The following POLR1A variants were observed in gnomAD, a reference collection of about 807,000 sequenced individuals.
POLR1A encodes RNA polymerase I subunit A.
Under a neutral mutation model 205.3 loss-of-function variants are expected in POLR1A, and 84 were observed. That is an observed-to-expected ratio of 0.41 (90% CI 0.34 to 0.49). POLR1A has a LOEUF of 0.49. Among genes scored for constraint, POLR1A ranks in the 20% least tolerant of loss-of-function variants. The probability of loss-of-function intolerance (pLI) is 0.22; values close to 1 mark genes in which losing one functional copy is unlikely to be tolerated. For synonymous variants in POLR1A, 799 were observed against 863.7 expected (o/e 0.93, Z 1.31); for missense variants, 1,645 against 2,204.5 (o/e 0.75, Z 5.08).
intron 16 of POLR1A, 62 bp from the exon 17 acceptor site, chr2:86,049,304 A>G: frequency 8.3e-7 from 1 of 1,200,042 alleles, no homozygotes; most frequent in Admixed American, 1.7e-5. Flanking sequence ...CACCAGACTA[A>G]ACTCAGTAAG....
chr2:86,085,176 T>C (rs1262284457), intron 6 of POLR1A, among the ~76,000 whole-genome samples: 1 of 152,160 alleles, frequency 6.6e-6, no homozygotes, highest in East Asian at 1.9e-4. Context: ...TTAGCCAGGA[T>C]GGTCTGGATC....
chr2:86,097,160 C>G (rs1673718394), intron 3 of POLR1A, among the ~76,000 whole-genome samples: 1 of 124,964 alleles, frequency 8.0e-6, no homozygotes, highest in South Asian at 2.6e-4. Flanking sequence ...AAACACAAAT[C>G]AAAACCACAA....
Position 86,040,530 on chromosome 2 carries a change from T to C in POLR1A, c.3602A>G (p.Gln1201Arg). The C allele has an allele frequency of 6.3e-7, 1 of 1,597,336 alleles. No homozygotes were observed. Among genetic ancestry groups the C allele is most frequent in the Non-Finnish European group, 8.5e-7 (1 of 1,171,538 alleles). The change falls in exon 25 of 34, where the codon CAG becomes CGG. Residue 1201 changes from glutamine (Q) to arginine (R), a missense_variant. Gln to Arg is a conservative substitution (Grantham distance 43). Coordinates refer to ENST00000263857, the MANE Select transcript of POLR1A (RefSeq NM_015425.6). ...RLRTLLQLKWQRSLCEPGEAV... is the reference protein window; with the variant it reads ...RLRTLLQLKWRRSLCEPGEAV... The stretch of plus-strand genomic sequence containing the variant: ...CTCGCCCGGCTCACACAGTGAGCGC[T>C]GCCACTTCAGCTGCAGCAAGGTCCT...
intron 3 of POLR1A, among the ~76,000 whole-genome samples, chr2:86,093,417 C>A (rs543551840): frequency 3.5e-4 from 53 of 152,332 alleles, no homozygotes; most frequent in African/African-American, 1.2e-3. Flanking sequence ...TTTCTATAAA[C>A]ATGGACACTC....
intron 3 of POLR1A, among the ~76,000 whole-genome samples, chr2:86,090,301 G>C (rs1410313680): frequency 6.6e-6 from 1 of 150,754 alleles, no homozygotes; most frequent in African/African-American, 2.4e-5. Flanking sequence ...AGGATGATGT[G>C]AGGAGATCGC....
At chr2:86,056,239 G>A (rs978776526) in intron 14 of POLR1A, among the ~76,000 whole-genome samples, 12 of 152,026 alleles carry the variant, frequency 7.9e-5, no homozygotes, top group African/African-American at 2.9e-4. Context: ...ATCACTTAAG[G>A]TCGGGAGTTT....
chr2:86,049,272 C>G lies in POLR1A; in HGVS notation c.2393-30G>C, dbSNP rs10184159. The G allele has an allele frequency of 0.023, 35,001 of 1,540,060 alleles. 1,844 individuals are homozygous for G. The highest frequency in any genetic ancestry group is 0.19 in the African/African-American group (14,155 of 73,558). ...GAAGTGAAACAGACAAGCTTGTAGGCGACCTCAGGCCTGATTTCTCCCACC... is the reference window on the plus strand; with the variant it reads ...GAAGTGAAACAGACAAGCTTGTAGGGGACCTCAGGCCTGATTTCTCCCACC... On this transcript the variant is annotated intron_variant, in intron 16 of 33. Coordinates refer to ENST00000263857, the MANE Select transcript of POLR1A (RefSeq NM_015425.6).
intron 27 of POLR1A, among the ~76,000 whole-genome samples, chr2:86,034,136 T>C (rs1484197566): frequency 1.3e-5 from 2 of 152,218 alleles, no homozygotes; most frequent in African/African-American, 4.8e-5. Context: ...GAAACAACCC[T>C]ATGTCTGATT....
At chr2:86,060,867 A>T (rs1372030083) in intron 14 of POLR1A, among the ~76,000 whole-genome samples, 1 of 152,238 alleles carries the variant, frequency 6.6e-6, no homozygotes, top group African/African-American at 2.4e-5. Flanking sequence ...GTATTAGGTG[A>T]AAAGGCTAGC....
At position 86,040,380 on chromosome 2, in the gene POLR1A, T is replaced by C. The variant is rs1672580395; in HGVS notation, c.3740+12A>G. On this transcript the variant is annotated intron_variant, in intron 25 of 33. Coordinates refer to ENST00000263857, the MANE Select transcript of POLR1A (RefSeq NM_015425.6). The stretch of plus-strand genomic sequence containing the variant: ...GGACAGACCCCACCCTGTGCTCCCT[T>C]GTGCCCCACACCTTGGAATGCCCAG... The C allele has an allele frequency of 1.9e-6, 3 of 1,588,840 alleles. No homozygotes were observed. The highest frequency in any genetic ancestry group is 2.6e-6 in the Non-Finnish European group (3 of 1,166,962).
At chr2:86,090,864 G>A (rs1041340027) in intron 3 of POLR1A, among the ~76,000 whole-genome samples, 5 of 152,248 alleles carry the variant, frequency 3.3e-5, no homozygotes, top group African/African-American at 1.2e-4. Flanking sequence ...GGGCTCGCTT[G>A]AGCCCAGGTG....
At position 86,071,227 on chromosome 2, in the gene POLR1A, C is replaced by CGTGTGT. The variant is rs1558777042; in HGVS notation, c.1612-956_1612-955insACACAC. ...CCCAGCTTCTCTCTCTCTCCGTGTG[C>CGTGTGT]ATGTGTGTGTGTGTGTGTGTGTGTG... On this transcript the variant is annotated intron_variant, in intron 12 of 33. Coordinates refer to ENST00000263857, the MANE Select transcript of POLR1A (RefSeq NM_015425.6). 1.4e-3 allele frequency among the ~76,000 whole-genome samples: 205 copies of CGTGTGT among 147,354 alleles called. 1 individual carries two copies. Among genetic ancestry groups the CGTGTGT allele is most frequent in the African/African-American group, 5.0e-3 (194 of 38,824 alleles).
Position 86,071,227 on chromosome 2 carries a change from C to CGTGTGCGCGCGCGTGT in POLR1A, c.1612-956_1612-955insACACGCGCGCGCACAC, listed in dbSNP as rs1558777042. Among the ~76,000 whole-genome samples the CGTGTGCGCGCGCGTGT allele has an allele frequency of 4.0e-3, 589 of 147,354 alleles. 12 individuals carry two copies. The East Asian group carries it at 0.074, about 19-fold the overall frequency. On this transcript the variant is annotated intron_variant, in intron 12 of 33. Coordinates refer to ENST00000263857, the MANE Select transcript of POLR1A (RefSeq NM_015425.6). Reference sequence around the variant, plus strand: ...CCCAGCTTCTCTCTCTCTCCGTGTGCATGTGTGTGTGTGTGTGTGTGTGTG... The same window carrying CGTGTGCGCGCGCGTGT: ...CCCAGCTTCTCTCTCTCTCCGTGTGCGTGTGCGCGCGCGTGTATGTGTGTGTGTGTGTGTGTGTGTG...
At chr2:86,077,809 G>GCACACACACA (rs758996128) in intron 11 of POLR1A, 50 bp downstream of exon 11, 3 of 1,301,496 alleles carry the variant, frequency 2.3e-6, no homozygotes, top group African/African-American at 3.1e-5. Context: ...GCACGCGCGC[G>GCACACACACA]CGCACACACA....
chr2:86,034,879 C>G (rs1230733858), intron 27 of POLR1A, among the ~76,000 whole-genome samples: 1 of 152,042 alleles, frequency 6.6e-6, no homozygotes, highest in South Asian at 2.1e-4. Context: ...TATTAGTTCC[C>G]CCCACCGTCC....
At chr2:86,037,354 A>C (rs1672518753) in intron 27 of POLR1A, among the ~76,000 whole-genome samples, 1 of 152,196 alleles carries the variant, frequency 6.6e-6, no homozygotes, top group African/African-American at 2.4e-5. Context: ...CCCCCGTCCA[A>C]AGGACTGAGT....
At chr2:86,061,420 C>T (rs1219763539) in intron 14 of POLR1A, among the ~76,000 whole-genome samples, 1 of 152,218 alleles carries the variant, frequency 6.6e-6, no homozygotes, top group Non-Finnish European at 1.5e-5. Flanking sequence ...GCACTCCATC[C>T]TGGTAGAAGT....
rs747406752 is a variant in POLR1A, at chr2:86,043,112, T to G, written c.3219A>C (p.Lys1073Asn). 8 of 1,614,192 alleles carry G rather than the reference T, an allele frequency of 5.0e-6. No homozygotes were observed. Among genetic ancestry groups the G allele is most frequent in the Non-Finnish European group, 6.8e-6 (8 of 1,180,026 alleles). Residue 1073 changes from lysine to asparagine, a missense_variant, in exon 23 of 34, where the codon AAA becomes AAC. Lys to Asn is a moderately conservative substitution (Grantham distance 94). This residue lies in a region of POLR1A where 201 missense variants were observed against 222.3 expected (regional missense o/e 0.90). Transcript: ENST00000263857. ...KKALHHFRAI[K>N]KWQSKHPNTL... ...TGTTGGGGTGCTTGCTTTGCCATTT[T>G]TTGATAGCTCTGAAGTGGTGGAGAG... is the stretch of plus-strand genomic sequence containing the variant.
chr2:86,061,010 A>G (rs1672983648), intron 14 of POLR1A, among the ~76,000 whole-genome samples: 3 of 152,246 alleles, frequency 2.0e-5, no homozygotes, highest in Non-Finnish European at 4.4e-5. Context: ...GCACATCACA[A>G]AAGATGATAT....
Sources: allele counts gnomAD v4.1 joint callset (sites outside exome capture counted in the v4.1 genomes callset), GRCh38; gene constraint gnomAD v4.1.1; regional missense constraint gnomAD v4.1.1; transcripts MANE v1.5; gene names NCBI Gene and HGNC (gene_info 2026-07-23, HGNC 2026-07-21).